PDK3: variants seen among roughly 807,000 people sequenced by gnomAD.
PDK3 encodes pyruvate dehydrogenase kinase, isozyme 3.
A neutral mutation model predicts 32.0 loss-of-function variants in PDK3; 12 were observed. That is an observed-to-expected ratio of 0.37 (90% CI 0.24 to 0.61). PDK3 has a LOEUF of 0.61. Among genes scored for constraint, PDK3 ranks in the 20% least tolerant of loss-of-function variants. The probability of loss-of-function intolerance (pLI) is 0.65; values close to 1 mark genes in which losing one functional copy is unlikely to be tolerated. For synonymous variants in PDK3, 122 were observed against 116.3 expected, an observed-to-expected ratio of 1.05 and a Z score of -0.31; for missense variants, 188 against 316.9, an observed-to-expected ratio of 0.59 and a Z score of 3.09.
chrX:24,506,640 A>G (rs897354718), intron 5 of PDK3, among the ~76,000 whole-genome samples: 6 of 110,646 alleles, frequency 5.4e-5, no homozygotes, highest in Admixed American at 2.9e-4. Flanking sequence ...TACATTTTAA[A>G]TCTTTTGAGA....
At chrX:24,539,239 C>T, downstream of PDK3, 1 of 666,433 alleles carries the variant, frequency 1.5e-6, no homozygotes, top group Non-Finnish European at 2.4e-6. Context: ...CTGCTTTCTC[C>T]CACCTGCTCT....
intron 1 of PDK3, among the ~76,000 whole-genome samples, chrX:24,478,545 A>C (rs1175603233): frequency 8.9e-6 from 1 of 111,924 alleles, no homozygotes; most frequent in East Asian, 2.8e-4. Flanking sequence ...AGTTTACGCT[A>C]TACTTGCCTT....
intron 1 of PDK3, among the ~76,000 whole-genome samples, chrX:24,474,661 G>A (rs957966534): frequency 5.4e-5 from 6 of 110,671 alleles, no homozygotes; most frequent in Non-Finnish European, 9.4e-5. Flanking sequence ...TGATCCACCC[G>A]CCTCTGCCTC....
intron 1 of PDK3, among the ~76,000 whole-genome samples, chrX:24,465,796 C>T (rs1235061846): frequency 2.7e-5 from 3 of 111,988 alleles, no homozygotes; most frequent in African/African-American, 9.7e-5. Flanking sequence ...TTGCAGGACC[C>T]TCATCGCAGG....
intron 1 of PDK3, among the ~76,000 whole-genome samples, chrX:24,483,205 C>T: frequency 8.9e-6 from 1 of 112,374 alleles, no homozygotes; most frequent in Non-Finnish European, 1.9e-5. Context: ...CCTTTGATCA[C>T]TGTGATGGCT....
chrX:24,467,515 A>T (rs1050463987), intron 1 of PDK3, among the ~76,000 whole-genome samples: 1 of 112,419 alleles, frequency 8.9e-6, no homozygotes, highest in Non-Finnish European at 1.9e-5. Flanking sequence ...TGCTAGATAT[A>T]GTTGTAGTGG....
intron 1 of PDK3, among the ~76,000 whole-genome samples, chrX:24,473,171 T>G (rs1364947838): frequency 9.4e-6 from 1 of 106,427 alleles, no homozygotes; most frequent in Non-Finnish European, 1.9e-5. Context: ...GTCAAGAGAT[T>G]GAGACCATCC....
intron 1 of PDK3, among the ~76,000 whole-genome samples, chrX:24,475,347 C>A (rs1195413324): frequency 9.0e-6 from 1 of 110,776 alleles, no homozygotes; most frequent in African/African-American, 3.3e-5. Context: ...TGCATCTTGA[C>A]CAGTTTTTAA....
intron 1 of PDK3, among the ~76,000 whole-genome samples, chrX:24,472,137 C>A (rs1168560308): frequency 1.8e-5 from 2 of 111,385 alleles, no homozygotes; most frequent in African/African-American, 3.3e-5. Context: ...CTTTGTTTTG[C>A]CATATTTATT....
chrX:24,490,462 G>A (rs1176002047), intron 1 of PDK3, among the ~76,000 whole-genome samples: 1 of 111,699 alleles, frequency 9.0e-6, no homozygotes, highest in Non-Finnish European at 1.9e-5. Flanking sequence ...CCTGACCTTT[G>A]TCATCAACGC....
exon 12 of PDK3, among the ~76,000 whole-genome samples, chrX:24,543,088 C>T (rs1186885098): frequency 8.9e-6 from 1 of 112,057 alleles, no homozygotes; most frequent in Admixed American, 9.5e-5. Context: ...CTTTGTTTAT[C>T]CTTGAAATTT....
At chrX:24,466,211 A>G (rs1940063117) in intron 1 of PDK3, among the ~76,000 whole-genome samples, 1 of 110,963 alleles carries the variant, frequency 9.0e-6, no homozygotes, top group African/African-American at 3.3e-5. Context: ...TTGGTGTCCC[A>G]CCCACATTCT....
exon 12 of PDK3, among the ~76,000 whole-genome samples, chrX:24,543,797 C>T (rs1024221851): frequency 5.4e-5 from 6 of 112,031 alleles, no homozygotes; most frequent in African/African-American, 1.9e-4. Flanking sequence ...ATGTTGTCCT[C>T]TTTGATTGCG....
At position 24,494,839 on chromosome X, in the gene PDK3, G is replaced by A. The variant is rs201536570; in HGVS notation, c.204G>A (p.Pro68=). Residue 68 remains proline, a synonymous_variant, in exon 2 of 11, where the codon CCG becomes CCA. Coordinates refer to ENST00000379162, the MANE Select transcript of PDK3 (RefSeq NM_005391.5). ...CAATGAGAGAAGTTAATCTTCTGCC[G>A]GATAATTTACTTAACCGCCCTTCAG... ...ANTMREVNLL[P]DNLLNRPSVG... is the part of the protein sequence containing the mutation. 39 of 1,204,624 alleles carry A rather than the reference G, an allele frequency of 3.2e-5. No homozygotes were observed. The African/African-American group carries it at 3.3e-4, about 10-fold the overall frequency.
At chrX:24,487,976 C>A (rs1205576328) in intron 1 of PDK3, among the ~76,000 whole-genome samples, 7 of 92,374 alleles carry the variant, frequency 7.6e-5, no homozygotes, top group African/African-American at 1.3e-4. Flanking sequence ...TGCACTCCAG[C>A]CTGGGCAACA....
At chrX:24,473,799 C>T (rs1179657187) in intron 1 of PDK3, among the ~76,000 whole-genome samples, 3 of 111,558 alleles carry the variant, frequency 2.7e-5, no homozygotes, top group Non-Finnish European at 5.6e-5. Flanking sequence ...CTATAAACCT[C>T]TCTGGATTTT....
chrX:24,537,112 CTTTTCTTTTTT>C (rs1404867904), downstream of PDK3, among the ~76,000 whole-genome samples: 531 of 89,548 alleles, frequency 5.9e-3, 5 homozygotes, highest in African/African-American at 0.021. Flanking sequence ...TGTTTCTTTT[CTTTTCTTTTTT>C]TTTTTTTTTT....
intron 6 of PDK3, among the ~76,000 whole-genome samples, chrX:24,521,082 C>A (rs1315523890): frequency 1.8e-5 from 2 of 109,699 alleles, no homozygotes; most frequent in African/African-American, 6.6e-5. Flanking sequence ...AGTTCGAGAC[C>A]AGCCTGGGCA....
chrX:24,484,249 A>G (rs1193825497), intron 1 of PDK3, among the ~76,000 whole-genome samples: 1 of 111,534 alleles, frequency 9.0e-6, no homozygotes, highest in Non-Finnish European at 1.9e-5. Flanking sequence ...TCTGAGCTCA[A>G]GTGATCCTCC....
Sources: allele counts gnomAD v4.1 joint callset (sites outside exome capture counted in the v4.1 genomes callset), GRCh38; gene constraint gnomAD v4.1.1; transcripts MANE v1.5; gene names NCBI Gene and HGNC (gene_info 2026-07-23, HGNC 2026-07-21).